NMNAT3: variants seen among roughly 807,000 people sequenced by gnomAD.
The protein encoded by NMNAT3 is nicotinamide/nicotinic acid mononucleotide adenylyltransferase 3.
A neutral mutation model predicts 24.8 loss-of-function variants in NMNAT3; 21 were observed. The ratio of observed to expected loss-of-function variants is 0.85; its 90% CI spans 0.60 to 1.22. The LOEUF (loss-of-function observed/expected upper bound fraction) is 1.22, where lower values mean the gene tolerates loss of function less well. Among genes scored for constraint, NMNAT3 ranks in the 50% most tolerant of loss-of-function variants. The probability of loss-of-function intolerance (pLI) is 0.00; values close to 1 mark genes in which losing one functional copy is unlikely to be tolerated. For synonymous variants in NMNAT3, 136 were observed against 155.2 expected (o/e 0.88, Z 0.92); for missense variants, 387 against 436.6 (o/e 0.89, Z 1.01).
intron 3 of NMNAT3, among the ~76,000 whole-genome samples, chr3:139,596,916 G>GTGTATATATATATATATA (rs1393197797): frequency 5.1e-5 from 5 of 97,170 alleles, no homozygotes; most frequent in Non-Finnish European, 1.0e-4. Flanking sequence ...TGTCATGTGT[G>GTGTATATATATATATATA]TATATATATA....
rs1939759879 is a variant in NMNAT3 at position 139,578,967 on chromosome 3, G to T, written c.480C>A (p.Ala160=). ...ATGTCTGCAGGGCCAGCCGGGCCAT[G>T]GCCACTCGGTGATGAGAAGCTGCGA... is the stretch of plus-strand genomic sequence containing the variant. Residue 160 remains alanine, a synonymous_variant, in exon 5 of 7, where the codon GCC becomes GCA. Coordinates refer to ENST00000643695, the MANE Select transcript of NMNAT3 (RefSeq NM_001320510.2). The T allele has an allele frequency of 6.2e-7, 1 of 1,614,086 alleles. No individual in the cohort carries two copies. Among genetic ancestry groups the T allele is most frequent in the Admixed American group, 1.7e-5 (1 of 60,002 alleles).
chr3:139,572,066 C>A, intron 6 of NMNAT3: 1 of 398,806 alleles, frequency 2.5e-6, no homozygotes, highest in Non-Finnish European at 4.4e-6. Context: ...TGCAGGTGCC[C>A]CCTCCTCCAT....
intron 1 of NMNAT3, among the ~76,000 whole-genome samples, chr3:139,654,950 GT>G (rs1403452929): frequency 1.3e-5 from 2 of 152,208 alleles, no homozygotes; most frequent in Non-Finnish European, 2.9e-5. Context: ...ACAGCCCAGG[GT>G]GGTAAGAGCT....
At chr3:139,583,371 G>A in intron 3 of NMNAT3, 1 of 1,541,384 alleles carries the variant, frequency 6.5e-7, no homozygotes, top group South Asian at 1.1e-5. Context: ...TTTTCAACTG[G>A]AATGTAACAT....
chr3:139,578,822 G>T, intron 5 of NMNAT3, 50 bp downstream of exon 5: 1 of 1,516,144 alleles, frequency 6.6e-7, no homozygotes, highest in Non-Finnish European at 9.0e-7. Context: ...AAGCTCTGCA[G>T]ACATCTCCCG....
In NMNAT3 at chr3:139,561,032, C is replaced by T. The variant is rs1178461402; in HGVS notation, c.1019G>A (p.Ser340Asn). 2 of 1,613,324 alleles carry T rather than the reference C, an allele frequency of 1.2e-6. No individual in the cohort carries two copies. The highest frequency in any genetic ancestry group is 2.2e-5 in the East Asian group (1 of 44,876). The change falls in exon 7 of 7, where the codon AGC becomes AAC. Residue 340 changes from serine (S) to asparagine (N), a missense_variant. Around this residue, in one of 3 missense-constraint regions of NMNAT3, gnomAD observed 323 missense variants for 345.2 expected, o/e 0.94. Coordinates refer to ENST00000643695, the MANE Select transcript of NMNAT3 (RefSeq NM_001320510.2). ...TCCCTAGCTTGTCTTGCCCTCAGTG[C>T]TCTGGGTGCTTTTGCCTTTCCAGGT... is the stretch of plus-strand genomic sequence containing the variant.
intron 3 of NMNAT3, among the ~76,000 whole-genome samples, chr3:139,608,495 G>A (rs995113075): frequency 3.9e-5 from 6 of 152,132 alleles, no homozygotes; most frequent in South Asian, 4.1e-4. Context: ...TGTCACTTCC[G>A]CTGTTCACCC....
At chr3:139,608,910 T>C (rs1245390827) in intron 3 of NMNAT3, among the ~76,000 whole-genome samples, 1 of 152,206 alleles carries the variant, frequency 6.6e-6, no homozygotes, top group Non-Finnish European at 1.5e-5. Flanking sequence ...CCAAACTCCA[T>C]CTCTAATCCC....
intron 1 of NMNAT3, among the ~76,000 whole-genome samples, chr3:139,642,484 G>A (rs1389314300): frequency 6.6e-6 from 1 of 152,204 alleles, no homozygotes; most frequent in Non-Finnish European, 1.5e-5. Flanking sequence ...TGGTGTATGG[G>A]GCCTAGGAAA....
rs1939205586 is a variant in NMNAT3 at position 139,575,769 on chromosome 3, C to T, written c.576-2089G>A. On this transcript the variant is annotated intron_variant, in intron 5 of 6. Transcript: ENST00000643695. Reference sequence around the variant, plus strand: ...TGGTACCTTGGGCCTGTGGATTGACCCTGGGGGCATGTTCTTGGTGTCCTC... The same window carrying T: ...TGGTACCTTGGGCCTGTGGATTGACTCTGGGGGCATGTTCTTGGTGTCCTC... The T allele has an allele frequency of 3.5e-6, 4 of 1,152,378 alleles. No individual in the cohort carries two copies. In the South Asian group the frequency reaches 7.5e-5, roughly 22 times the overall value. 71.4% of individuals were successfully genotyped at this position (1,152,378 alleles called of 1,614,324 possible). A position where few individuals can be genotyped will look rare whatever the true frequency, so the allele number is the denominator to read the frequency against.
intron 3 of NMNAT3, among the ~76,000 whole-genome samples, chr3:139,591,155 G>C (rs1014198368): frequency 1.7e-4 from 25 of 151,330 alleles, no homozygotes; most frequent in African/African-American, 5.6e-4. Context: ...TGCCTCACCT[G>C]GGAAGCGCAA....
At chr3:139,630,676 T>G (rs2056257860) in intron 2 of NMNAT3, among the ~76,000 whole-genome samples, 1 of 152,172 alleles carries the variant, frequency 6.6e-6, no homozygotes, top group Admixed American at 6.5e-5. Context: ...AGTGTGAAGA[T>G]GAAAAGCTCT....
At chr3:139,563,050 C>G (rs1213463838) in intron 6 of NMNAT3, among the ~76,000 whole-genome samples, 1 of 152,170 alleles carries the variant, frequency 6.6e-6, no homozygotes, top group African/African-American at 2.4e-5. Context: ...TTCATTCATT[C>G]ACTTATCCAT....
intron 1 of NMNAT3, among the ~76,000 whole-genome samples, chr3:139,648,128 T>TG (rs944932500): frequency 1.3e-5 from 2 of 152,104 alleles, no homozygotes; most frequent in African/African-American, 2.4e-5. Flanking sequence ...GAGTGGATCC[T>TG]GGGGGGGTTT....
In NMNAT3 at chr3:139,594,378, G is replaced by A. The variant is rs567478924; in HGVS notation, c.110-11170C>T. ...ATGGATTCACACCTGAATTCTACCAGAGGTACAAGGAGGAACTCGTACCAT... is the reference window on the plus strand; with the variant it reads ...ATGGATTCACACCTGAATTCTACCAAAGGTACAAGGAGGAACTCGTACCAT... On this transcript the variant is annotated intron_variant, in intron 3 of 6. Coordinates refer to ENST00000643695, the MANE Select transcript of NMNAT3 (RefSeq NM_001320510.2). Among the ~76,000 whole-genome samples the A allele has an allele frequency of 6.8e-4, 104 of 152,276 alleles. No individual in the cohort carries two copies. The Middle Eastern group carries it at 0.034, about 50-fold the overall frequency.
intron 3 of NMNAT3, among the ~76,000 whole-genome samples, chr3:139,585,198 C>G (rs575578210): frequency 6.6e-6 from 1 of 152,262 alleles, no homozygotes; most frequent in East Asian, 1.9e-4. Flanking sequence ...GAAATCTCTA[C>G]CTATAATTGC....
intron 2 of NMNAT3, among the ~76,000 whole-genome samples, chr3:139,628,055 C>A (rs1331388376): frequency 6.6e-6 from 1 of 152,178 alleles, no homozygotes; most frequent in Non-Finnish European, 1.5e-5. Context: ...AGCCTGATCC[C>A]AGAACCCATG....
At chr3:139,663,407 C>T (rs1311482341) in intron 1 of NMNAT3, among the ~76,000 whole-genome samples, 2 of 152,198 alleles carry the variant, frequency 1.3e-5, no homozygotes, top group Non-Finnish European at 2.9e-5. Context: ...CAAACACATT[C>T]ACAGGTTCTG....
rs1472800968 is a variant in NMNAT3 at position 139,627,484 on chromosome 3, GA to G, written c.109+131del. The G allele has an allele frequency of 1.4e-5, 8 of 572,490 alleles. No homozygotes were observed. In the East Asian group the frequency reaches 1.7e-4, roughly 12 times the overall value. The allele number at this position is 572,490 out of a possible 1,614,324, so 35.5% of individuals were successfully genotyped here. ...TAAGCATCAACCCTTTGAATATGAT[GA>G]AAAAAATATGCCACTAGTTATGCTG... On this transcript the variant is annotated intron_variant, in intron 3 of 6. Transcript: ENST00000643695.
Sources: allele counts gnomAD v4.1 joint callset (sites outside exome capture counted in the v4.1 genomes callset), GRCh38; gene constraint gnomAD v4.1.1; regional missense constraint gnomAD v4.1.1; transcripts MANE v1.5; gene names NCBI Gene and HGNC (gene_info 2026-07-23, HGNC 2026-07-21).